The following PAPPA variants were observed in gnomAD, a reference collection of about 807,000 sequenced individuals.
PAPPA encodes pappalysin 1.
In PAPPA, 60 loss-of-function variants were observed where a neutral mutation model predicts 164.0. The observed-to-expected ratio is 0.37, with a 90% CI of 0.30 to 0.45. The LOEUF is 0.45. Among genes scored for constraint, PAPPA ranks in the 20% least tolerant of loss-of-function variants. PAPPA has a pLI of 1.00. For missense variants in PAPPA, 1,782 were observed against 2,087.3 expected, an observed-to-expected ratio of 0.85 and a Z score of 2.85; for synonymous variants, 875 against 814.1, an observed-to-expected ratio of 1.07 and a Z score of -1.27.
chr9:116,172,766 C>T (rs1207663664), intron 1 of PAPPA, among the ~76,000 whole-genome samples: 1 of 152,294 alleles, frequency 6.6e-6, no homozygotes, highest in East Asian at 1.9e-4. Context: ...GGTTACTGAT[C>T]TGCTTGTTTC....
intron 2 of PAPPA, among the ~76,000 whole-genome samples, chr9:116,206,270 A>G (rs527794993): frequency 1.3e-5 from 2 of 152,278 alleles, no homozygotes; most frequent in East Asian, 3.9e-4. Flanking sequence ...GAAAACATGT[A>G]CAAATTATGG....
intron 1 of PAPPA, among the ~76,000 whole-genome samples, chr9:116,179,695 G>A (rs1237174633): frequency 6.6e-6 from 1 of 152,104 alleles, no homozygotes; most frequent in Admixed American, 6.6e-5. Context: ...TCATTTTGGT[G>A]GGTCTCCCCC....
At chr9:116,193,294 G>A (rs576391054) in intron 2 of PAPPA, among the ~76,000 whole-genome samples, 10 of 152,036 alleles carry the variant, frequency 6.6e-5, no homozygotes, top group African/African-American at 2.4e-4. Context: ...TATAGCCCCC[G>A]TTAGCCTCTT....
intron 3 of PAPPA, among the ~76,000 whole-genome samples, chr9:116,208,314 A>T (rs1275685458): frequency 6.6e-6 from 1 of 152,208 alleles, no homozygotes; most frequent in African/African-American, 2.4e-5. Flanking sequence ...GTACATTTTT[A>T]AAATCATAGC....
intron 9 of PAPPA, among the ~76,000 whole-genome samples, chr9:116,284,339 C>G (rs915134838): frequency 7.2e-5 from 11 of 152,102 alleles, no homozygotes; most frequent in African/African-American, 2.4e-4. Context: ...TTTGTCTTAT[C>G]TGGCTCTTTC....
At chr9:116,246,049 C>T (rs1390779670) in intron 7 of PAPPA, among the ~76,000 whole-genome samples, 1 of 152,014 alleles carries the variant, frequency 6.6e-6, no homozygotes, top group Non-Finnish European at 1.5e-5. Flanking sequence ...TTAACATAAC[C>T]CTTCCTGGTT....
At chr9:116,335,837 T>A (rs1021873416) in intron 13 of PAPPA, among the ~76,000 whole-genome samples, 1 of 152,220 alleles carries the variant, frequency 6.6e-6, no homozygotes, top group Non-Finnish European at 1.5e-5. Flanking sequence ...TGAAATCTAC[T>A]CCACAGGGTG....
chr9:116,287,931 C>A (rs1385876945), intron 9 of PAPPA, among the ~76,000 whole-genome samples: 1 of 152,172 alleles, frequency 6.6e-6, no homozygotes, highest in Admixed American at 6.5e-5. Flanking sequence ...GCAAACACAT[C>A]CTTCATTTGG....
rs1324950245 is a variant in PAPPA at position 116,230,694 on chromosome 9, A to G, written c.2233+3142A>G. On this transcript the variant is annotated intron_variant, in intron 6 of 21. Coordinates refer to ENST00000328252, the MANE Select transcript of PAPPA (RefSeq NM_002581.5). Reference sequence around the variant, plus strand: ...TAGCTTCATTTCTAAGAAGGTAAATACAGTCATAGAACTGCTTGCCTTTGT... The same window carrying G: ...TAGCTTCATTTCTAAGAAGGTAAATGCAGTCATAGAACTGCTTGCCTTTGT... 2.6e-5 allele frequency among the ~76,000 whole-genome samples: 4 copies of G among 152,216 alleles called. No homozygotes were observed. The East Asian group carries it at 5.8e-4, about 22-fold the overall frequency.
chr9:116,306,750 A>T lies in PAPPA; in HGVS notation c.3147+3800A>T, dbSNP rs866886364. On this transcript the variant is annotated intron_variant, in intron 10 of 21. Transcript: ENST00000328252. ...ATGTTTCACATTTCTCTAATGCTTT[A>T]CACAAAAGGATGCCAAAATGAGATG... 2.0e-5 allele frequency among the ~76,000 whole-genome samples: 3 copies of T among 152,314 alleles called. No homozygotes were observed. The Middle Eastern group carries it at 0.01, about 518-fold the overall frequency.
chr9:116,204,149 C>T (rs1271494866), intron 2 of PAPPA, among the ~76,000 whole-genome samples: 2 of 152,152 alleles, frequency 1.3e-5, no homozygotes, highest in Admixed American at 6.5e-5. Context: ...TGTTGGGATC[C>T]GCATGAGCTA....
At chr9:116,267,716 A>G (rs1200884534) in intron 8 of PAPPA, among the ~76,000 whole-genome samples, 1 of 151,872 alleles carries the variant, frequency 6.6e-6, no homozygotes, top group Non-Finnish European at 1.5e-5. Context: ...TACTAAAAAA[A>G]TACAAAAAAT....
rs1450042967 is a variant in PAPPA, at chr9:116,235,589, A to C, written c.2684A>C (p.Gln895Pro). The part of the protein sequence containing the change: ...KYKVVRDPPL[Q>P]MDVASILHLN... ...AAGGTGGTCCGGGACCCTCCTCTCC[A>C]GATGGATGTGGCCTCCATCCTACAT... Residue 895 changes from glutamine (Q) to proline (P), a missense_variant, in exon 7 of 22, where the codon CAG (glutamine) becomes CCG (proline). Gln to Pro is a moderately conservative substitution (Grantham distance 76, BLOSUM62 -1). Around this residue, in one of 2 missense-constraint regions of PAPPA, gnomAD observed 1,324 missense variants for 1,656.9 expected, o/e 0.80. Coordinates refer to ENST00000328252, the MANE Select transcript of PAPPA (RefSeq NM_002581.5). The C allele has an allele frequency of 2.5e-6, 4 of 1,613,512 alleles. No individual in the cohort carries two copies. Among genetic ancestry groups the C allele is most frequent in the Non-Finnish European group, 3.4e-6 (4 of 1,179,912 alleles).
intron 9 of PAPPA, among the ~76,000 whole-genome samples, chr9:116,295,553 C>CAAAAAAA (rs56171405): frequency 1.7e-5 from 2 of 114,692 alleles, no homozygotes; most frequent in African/African-American, 3.5e-5. Context: ...GACTCGGTCT[C>CAAAAAAA]AAAAAAAAAA....
intron 8 of PAPPA, among the ~76,000 whole-genome samples, chr9:116,267,155 G>GACA (rs1285547647): frequency 6.6e-6 from 1 of 152,204 alleles, no homozygotes; most frequent in Admixed American, 6.5e-5. Flanking sequence ...ATATGAAAGA[G>GACA]ACACATTAGA....
intron 13 of PAPPA, among the ~76,000 whole-genome samples, chr9:116,337,711 C>T (rs1409706719): frequency 6.6e-6 from 1 of 151,960 alleles, no homozygotes; most frequent in Non-Finnish European, 1.5e-5. Flanking sequence ...CTCCCCCGCC[C>T]CCCACCTTCT....
Position 116,235,560 on chromosome 9 carries a change from G to A in PAPPA, c.2655G>A (p.Lys885=). Reference sequence around the variant, plus strand: ...TCTGTCTACAGTGTAAGCCCCTGAAGTATAAGGTGGTCCGGGACCCTCCTC... The same window carrying A: ...TCTGTCTACAGTGTAAGCCCCTGAAATATAAGGTGGTCCGGGACCCTCCTC... ...TPLCLQCKPL[K]YKVVRDPPLQ... The change falls in exon 7 of 22, where the codon AAG becomes AAA. Residue 885 remains lysine, a synonymous_variant. Coordinates refer to ENST00000328252, the MANE Select transcript of PAPPA (RefSeq NM_002581.5). The A allele has an allele frequency of 1.2e-6, 2 of 1,613,652 alleles. No individual in the cohort carries two copies. Among genetic ancestry groups the A allele is most frequent in the Non-Finnish European group, 1.7e-6 (2 of 1,179,990 alleles).
chr9:116,393,953 T>A (rs1846928230), intron 21 of PAPPA, among the ~76,000 whole-genome samples: 1 of 152,182 alleles, frequency 6.6e-6, no homozygotes. Flanking sequence ...ACATATAATT[T>A]TTTGAATGTT....
chr9:116,230,321 CAT>C (rs1358618725), intron 6 of PAPPA, among the ~76,000 whole-genome samples: 1 of 152,208 alleles, frequency 6.6e-6, no homozygotes, highest in Non-Finnish European at 1.5e-5. Flanking sequence ...TTTATCTTCA[CAT>C]GTTTAAGTTT....
Sources: gnomAD v4.1 joint callset for allele counts (sites outside exome capture counted in the v4.1 genomes callset) on GRCh38, gnomAD v4.1.1 for gene constraint, gnomAD v4.1.1 regional missense constraint, MANE v1.5 for transcripts, NCBI Gene and HGNC (gene_info 2026-07-23, HGNC 2026-07-21) for gene names.